SGCE: variants seen among roughly 807,000 people sequenced by gnomAD.
The protein encoded by SGCE is sarcoglycan epsilon, also known as epsilon-sarcoglycan.
Under a neutral mutation model 57.8 loss-of-function variants are expected in SGCE, and 26 were observed. That is an observed-to-expected ratio of 0.45 (90% CI 0.33 to 0.62). SGCE has a LOEUF of 0.62. Ranked by LOEUF, SGCE falls within the 20% of genes least tolerant of loss-of-function variation. The probability of loss-of-function intolerance (pLI) is 0.02; values close to 1 mark genes in which losing one functional copy is unlikely to be tolerated. For missense variants in SGCE, 468 were observed against 548.6 expected (o/e 0.85, Z 1.47); for synonymous variants, 183 against 189.5 (o/e 0.97, Z 0.28).
chr7:94,640,227 G>A (rs754386183), intron 1 of SGCE, among the ~76,000 whole-genome samples: 1 of 152,084 alleles, frequency 6.6e-6, no homozygotes, highest in Non-Finnish European at 1.5e-5. Context: ...GGACATCTAG[G>A]TGAAACTATC....
intron 1 of SGCE, among the ~76,000 whole-genome samples, chr7:94,637,411 A>G (rs1805740622): frequency 2.0e-5 from 3 of 152,230 alleles, no homozygotes; most frequent in Admixed American, 6.5e-5. Flanking sequence ...ATCAAGCTAA[A>G]CTGAAGAAAT....
intron 1 of SGCE, among the ~76,000 whole-genome samples, chr7:94,647,976 C>A (rs1365669021): frequency 6.6e-6 from 1 of 152,124 alleles, no homozygotes; most frequent in African/African-American, 2.4e-5. Context: ...TGTTCTTTGT[C>A]AACCCCACTA....
intron 6 of SGCE, among the ~76,000 whole-genome samples, chr7:94,602,715 G>A (rs1799467392): frequency 1.3e-5 from 2 of 152,042 alleles, no homozygotes; most frequent in South Asian, 4.1e-4. Flanking sequence ...ACATATATTT[G>A]AAACCTTACA....
At chr7:94,633,604 C>G (rs1805068662) in intron 1 of SGCE, among the ~76,000 whole-genome samples, 1 of 152,074 alleles carries the variant, frequency 6.6e-6, no homozygotes, top group East Asian at 1.9e-4. Context: ...AATCAAATAA[C>G]AGACCACGAA....
intron 1 of SGCE, among the ~76,000 whole-genome samples, chr7:94,640,454 C>T (rs1806226076): frequency 6.6e-6 from 1 of 152,120 alleles, no homozygotes; most frequent in African/African-American, 2.4e-5. Flanking sequence ...TGCCAATCTG[C>T]TGTCTACTCT....
chr7:94,613,411 C>G (rs1394400678), intron 5 of SGCE, among the ~76,000 whole-genome samples: 1 of 152,086 alleles, frequency 6.6e-6, no homozygotes, highest in African/African-American at 2.4e-5. Flanking sequence ...ATGACCCTAG[C>G]ACATGTTTTC....
chr7:94,612,743 A>G (rs1801244455), intron 5 of SGCE, among the ~76,000 whole-genome samples: 1 of 152,102 alleles, frequency 6.6e-6, no homozygotes, highest in South Asian at 2.1e-4. Flanking sequence ...TTTCAACTTA[A>G]TATGTTCCAA....
chr7:94,649,492 A>C (rs940192154), intron 1 of SGCE, among the ~76,000 whole-genome samples: 10 of 152,214 alleles, frequency 6.6e-5, no homozygotes, highest in Admixed American at 2.0e-4. Context: ...AAGGAATTAC[A>C]AGTAGCCGCC....
intron 5 of SGCE, among the ~76,000 whole-genome samples, chr7:94,616,131 T>C (rs1303143646): frequency 6.6e-6 from 1 of 152,138 alleles, no homozygotes; most frequent in African/African-American, 2.4e-5. Context: ...TCAAGAAGGA[T>C]GAGGAGCTCA....
chr7:94,609,522 ACT>A (rs1465704559), intron 5 of SGCE, among the ~76,000 whole-genome samples: 1 of 152,180 alleles, frequency 6.6e-6, no homozygotes, highest in East Asian at 1.9e-4. Flanking sequence ...ACACAGTAAG[ACT>A]CTGTCTAAAA....
chr7:94,598,864 A>G lies in SGCE; in HGVS notation c.1164T>C (p.Pro388=). 1.9e-6 allele frequency: 3 copies of G among 1,612,544 alleles called. No individual in the cohort carries two copies. The highest frequency in any genetic ancestry group is 2.5e-6 in the Non-Finnish European group (3 of 1,178,536). ...REIAWPLSTL[P]VFHPVTGEII... Reference sequence around the variant, plus strand: ...TTTCCCCAGTCACAGGGTGGAACACAGGAAGCGTTGACAGGGGCCATGCTA... The same window carrying G: ...TTTCCCCAGTCACAGGGTGGAACACGGGAAGCGTTGACAGGGGCCATGCTA... The change falls in exon 9 of 11, where the codon CCT becomes CCC. Residue 388 remains proline, a synonymous_variant. Transcript: ENST00000648936.
intron 1 of SGCE, among the ~76,000 whole-genome samples, chr7:94,651,641 T>G (rs960684959): frequency 5.9e-5 from 9 of 152,212 alleles, no homozygotes; most frequent in Non-Finnish European, 2.9e-5. Context: ...CAAATATTTA[T>G]GTACACAGAA....
Position 94,598,828 on chromosome 7 carries a change from A to G in SGCE, c.1200T>C (p.Pro400=), listed in dbSNP as rs1212644044. Residue 400 remains proline (P), a synonymous_variant, in exon 9 of 11, where the codon CCT becomes CCC. Transcript: ENST00000648936. ...TGCTATCATAGTTGTCTGTGTGTAA[A>G]GGAGGTATGATTTCCCCAGTCACAG... ...FHPVTGEIIP[P]LHTDNYDSTN... 2 of 1,613,470 alleles carry G rather than the reference A, an allele frequency of 1.2e-6. No individual in the cohort carries two copies. Among genetic ancestry groups the G allele is most frequent in the East Asian group, 4.5e-5 (2 of 44,868 alleles).
At chr7:94,629,892 G>C in intron 1 of SGCE, 51 bp from the exon 2 acceptor site, 1 of 1,600,890 alleles carries the variant, frequency 6.2e-7, no homozygotes, top group Non-Finnish European at 8.5e-7. Flanking sequence ...AATGAGATAC[G>C]CCCTTGATAA....
At chr7:94,644,719 G>A (rs1158528546) in intron 1 of SGCE, 15 of 879,636 alleles carry the variant, frequency 1.7e-5, no homozygotes, top group South Asian at 4.2e-5. Flanking sequence ...TATAGCTCAC[G>A]TGTCCGGCAT....
At position 94,624,305 on chromosome 7, in the gene SGCE, A is replaced by G. The variant is rs7778237; in HGVS notation, c.391-908T>C. The G allele has an allele frequency of 0.36, 142,617 of 397,636 alleles. 27,643 individuals are homozygous for G. The highest frequency in any genetic ancestry group is 0.41 in the Non-Finnish European group (92,907 of 225,488). 24.6% of individuals were successfully genotyped at this position (397,636 alleles called of 1,614,324 possible). ...TCAACTAAAAATAAATATCTTGTGC[A>G]TTTTAAAACAAATATCAAAGATTTT... On this transcript the variant is annotated intron_variant, in intron 3 of 10. Coordinates refer to ENST00000648936, the MANE Select transcript of SGCE (RefSeq NM_003919.3).
At chr7:94,620,080 C>T (rs1802531239) in intron 4 of SGCE, 1 of 152,212 alleles carries the variant, frequency 6.6e-6, no homozygotes, top group African/African-American at 2.4e-5. Context: ...TATGTATATC[C>T]TCTCATTTAT....
At chr7:94,643,612 G>A (rs1005319464) in intron 1 of SGCE, among the ~76,000 whole-genome samples, 3 of 152,114 alleles carry the variant, frequency 2.0e-5, no homozygotes, top group East Asian at 1.9e-4. Flanking sequence ...GGCAAGACAC[G>A]ATGCCACGAA....
At position 94,623,922 on chromosome 7, in the gene SGCE, G is replaced by A. The variant is rs1174247184; in HGVS notation, c.391-525C>T. 1.1e-5 allele frequency: 4 copies of A among 366,354 alleles called. No individual in the cohort carries two copies. In the South Asian group the frequency reaches 5.9e-4, roughly 54 times the overall value. 22.7% of individuals were successfully genotyped at this position (366,354 alleles called of 1,614,324 possible). ...TCTCACTTACGATGGGAGTAAAGTA[G>A]TAAGGATCATAGTCCATGAAGCTTA... On this transcript the variant is annotated intron_variant, in intron 3 of 10. Coordinates refer to ENST00000648936, the MANE Select transcript of SGCE (RefSeq NM_003919.3).
Sources: allele counts gnomAD v4.1 joint callset (sites outside exome capture counted in the v4.1 genomes callset), GRCh38; gene constraint gnomAD v4.1.1; transcripts MANE v1.5; gene names NCBI Gene and HGNC (gene_info 2026-07-23, HGNC 2026-07-21).